The following USP10 variants were observed in gnomAD, a reference collection of about 807,000 sequenced individuals.
USP10 encodes the protein ubiquitin specific peptidase 10.
A neutral mutation model predicts 84.5 loss-of-function variants in USP10; 22 were observed. The ratio of observed to expected loss-of-function variants is 0.26; its 90% CI spans 0.19 to 0.37. USP10 has a LOEUF of 0.37. Ranked by LOEUF, USP10 falls within the 10% of genes least tolerant of loss-of-function variation. The probability of loss-of-function intolerance (pLI) is 1.00; values close to 1 mark genes in which losing one functional copy is unlikely to be tolerated. For synonymous variants in USP10, 454 were observed against 387.6 expected (o/e 1.17, Z -2.01); for missense variants, 1,019 against 998.9 (o/e 1.02, Z -0.27).
At chr16:84,774,709 A>G (rs35257446) in intron 12 of USP10, among the ~76,000 whole-genome samples, 7,617 of 152,150 alleles carry the variant, frequency 0.05, 266 homozygotes, top group Non-Finnish European at 0.079. Flanking sequence ...TGACCTCGTG[A>G]TCGCCCGTCT....
At chr16:84,769,233 C>T (rs1567649144) in intron 11 of USP10, among the ~76,000 whole-genome samples, 1 of 152,144 alleles carries the variant, frequency 6.6e-6, no homozygotes, top group African/African-American at 2.4e-5. Flanking sequence ...CATCACATTG[C>T]ATGACTGGGA....
At chr16:84,720,871 C>T (rs927698109) in intron 1 of USP10, among the ~76,000 whole-genome samples, 1 of 148,962 alleles carries the variant, frequency 6.7e-6, no homozygotes, top group Non-Finnish European at 1.5e-5. Flanking sequence ...CCTGGGCCAC[C>T]GCGCCCGGCC....
At position 84,730,920 on chromosome 16, in the gene USP10, C is replaced by A. The variant is rs116025941; in HGVS notation, c.22-2515C>A. Among the ~76,000 whole-genome samples, 1,086 of 151,624 alleles carry A rather than the reference C, an allele frequency of 7.2e-3. 12 individuals are homozygous for A. The highest frequency in any genetic ancestry group is 0.025 in the African/African-American group (1,015 of 41,306). Reference sequence around the variant, plus strand: ...CTTCCCCACATTCTGAAGTAAAAGGCCTTTCTTGTTAGTCATAAGATAAAA... The same window carrying A: ...CTTCCCCACATTCTGAAGTAAAAGGACTTTCTTGTTAGTCATAAGATAAAA... On this transcript the variant is annotated intron_variant, in intron 1 of 13. Coordinates refer to ENST00000219473, the MANE Select transcript of USP10 (RefSeq NM_005153.3).
intron 13 of USP10, among the ~76,000 whole-genome samples, chr16:84,778,563 G>A (rs761360580): frequency 4.6e-5 from 7 of 152,218 alleles, no homozygotes; most frequent in Non-Finnish European, 8.8e-5. Flanking sequence ...AAGGGCATGA[G>A]CCAGGTCTGT....
In USP10 at chr16:84,744,046, TTTGTTG is replaced by T. The variant is rs141603150; in HGVS notation, c.152-568_152-563del. 9.5e-3 allele frequency among the ~76,000 whole-genome samples: 1,444 copies of T among 151,616 alleles called. 16 individuals carry two copies. The highest frequency in any genetic ancestry group is 0.032 in the African/African-American group (1,338 of 41,398). ...AAGTGCGCTTTTATATATAGGATTC[TTTGTTG>T]TTGTTGTTGTTGTTGTTGAATCTTT... On this transcript the variant is annotated intron_variant, in intron 3 of 13. Transcript: ENST00000219473.
At chr16:84,736,116 C>G (rs1037950086) in intron 2 of USP10, among the ~76,000 whole-genome samples, 1 of 147,930 alleles carries the variant, frequency 6.8e-6, no homozygotes, top group Non-Finnish European at 1.5e-5. Context: ...GGGCGTGTCA[C>G]TTCTACAGCA....
chr16:84,754,979 C>T (rs1440783404), intron 4 of USP10, among the ~76,000 whole-genome samples: 3 of 128,362 alleles, frequency 2.3e-5, no homozygotes, highest in East Asian at 2.6e-4. Context: ...TGTCTCTAGA[C>T]TTTGTCCCAG....
At chr16:84,759,097 A>T (rs370329666) in intron 5 of USP10, among the ~76,000 whole-genome samples, 2 of 152,202 alleles carry the variant, frequency 1.3e-5, no homozygotes, top group African/African-American at 4.8e-5. Flanking sequence ...TACAACTGGA[A>T]ATTTGGTTTT....
rs751547737 is a variant in USP10, at chr16:84,740,301, T to C, written c.91-8T>C. 6.2e-7 allele frequency: 1 copy of C among 1,606,896 alleles called. No homozygotes were observed. The highest frequency in any genetic ancestry group is 8.5e-7 in the Non-Finnish European group (1 of 1,176,696). On this transcript the variant is annotated splice_region_variant and splice_polypyrimidine_tract_variant and intron_variant, in intron 2 of 13. Coordinates refer to ENST00000219473, the MANE Select transcript of USP10 (RefSeq NM_005153.3). Reference sequence around the variant, plus strand: ...GAATTAAAATTTGTTTTCTGATTCCTTGTGCAGCTTCCTCCATACAGTGGA... The same window carrying C: ...GAATTAAAATTTGTTTTCTGATTCCCTGTGCAGCTTCCTCCATACAGTGGA...
intron 1 of USP10, among the ~76,000 whole-genome samples, chr16:84,725,222 C>G (rs1908302921): frequency 6.6e-6 from 1 of 152,190 alleles, no homozygotes; most frequent in Admixed American, 6.5e-5. Context: ...CCTCCCAGCC[C>G]TTGGCAACCA....
intron 1 of USP10, among the ~76,000 whole-genome samples, chr16:84,729,593 C>T (rs1042096280): frequency 6.6e-6 from 1 of 152,230 alleles, no homozygotes; most frequent in African/African-American, 2.4e-5. Flanking sequence ...AGGCTGAGCG[C>T]CTTGCAGAGA....
intron 1 of USP10, among the ~76,000 whole-genome samples, chr16:84,722,767 C>T (rs1907975520): frequency 6.6e-6 from 1 of 152,134 alleles, no homozygotes. Context: ...ACCATGTTGG[C>T]CAGTCTCGAA....
At chr16:84,770,205 G>A (rs1262983753) in intron 11 of USP10, among the ~76,000 whole-genome samples, 1 of 152,084 alleles carries the variant, frequency 6.6e-6, no homozygotes, top group East Asian at 1.9e-4. Flanking sequence ...GCGTGGTTGT[G>A]GTGGTGTGTT....
intron 1 of USP10, among the ~76,000 whole-genome samples, chr16:84,721,162 G>T (rs1262739529): frequency 6.6e-6 from 1 of 152,128 alleles, no homozygotes; most frequent in Non-Finnish European, 1.5e-5. Flanking sequence ...AAAGTGCTGG[G>T]ATTACAGGTG....
chr16:84,771,503 C>G (rs977930711), intron 11 of USP10, among the ~76,000 whole-genome samples: 3 of 152,012 alleles, frequency 2.0e-5, no homozygotes, highest in African/African-American at 4.8e-5. Flanking sequence ...CTTAAAAAAA[C>G]AAACAAACAA....
chr16:84,751,820 CATTTTCAGGG>C, intron 4 of USP10, among the ~76,000 whole-genome samples: 1 of 152,264 alleles, frequency 6.6e-6, no homozygotes, highest in East Asian at 1.9e-4. Flanking sequence ...CTGTACCTTG[CATTTTCAGGG>C]ATTTTCAATG....
At position 84,733,423 on chromosome 16, in the gene USP10, A is replaced by T. The variant is rs756333241; in HGVS notation, c.22-12A>T. On this transcript the variant is annotated splice_polypyrimidine_tract_variant and intron_variant, in intron 1 of 13. Transcript: ENST00000219473. Reference sequence around the variant, plus strand: ...ATTTTATGTGATCAGTGACTCTCTTATTTTTTTTCAGTATATTTTTGGAGA... The same window carrying T: ...ATTTTATGTGATCAGTGACTCTCTTTTTTTTTTTCAGTATATTTTTGGAGA... 2.5e-6 allele frequency: 4 copies of T among 1,578,162 alleles called. No homozygotes were observed. The highest frequency in any genetic ancestry group is 1.4e-5 in the African/African-American group (1 of 73,432).
At chr16:84,723,440 G>T (rs972682166) in intron 1 of USP10, among the ~76,000 whole-genome samples, 8 of 152,140 alleles carry the variant, frequency 5.3e-5, no homozygotes, top group African/African-American at 1.9e-4. Context: ...AACATCTCTG[G>T]TGATAATAAA....
intron 1 of USP10, among the ~76,000 whole-genome samples, chr16:84,715,866 A>G (rs897799233): frequency 6.6e-6 from 1 of 152,100 alleles, no homozygotes; most frequent in South Asian, 2.1e-4. Flanking sequence ...TCCCAGGGCT[A>G]GTTTCCCCCA....
Sources: allele counts gnomAD v4.1 joint callset (sites outside exome capture counted in the v4.1 genomes callset), GRCh38; gene constraint gnomAD v4.1.1; transcripts MANE v1.5; gene names NCBI Gene and HGNC (gene_info 2026-07-23, HGNC 2026-07-21).